ADGRF5: variants seen among roughly 807,000 people sequenced by gnomAD.
The protein encoded by ADGRF5 is adhesion G protein-coupled receptor F5.
Under a neutral mutation model 132.3 loss-of-function variants are expected in ADGRF5, and 75 were observed. The ratio of observed to expected loss-of-function variants is 0.57; its 90% CI spans 0.47 to 0.69. ADGRF5 has a LOEUF of 0.69. Among genes scored for constraint, ADGRF5 ranks in the 30% least tolerant of loss-of-function variants. ADGRF5 has a pLI of 0.00. For synonymous variants in ADGRF5, 629 were observed against 597.6 expected (o/e 1.05, Z -0.77); for missense variants, 1,516 against 1,630.6 (o/e 0.93, Z 1.21).
At chr6:46,912,523 G>A (rs1776040042) in intron 1 of ADGRF5, among the ~76,000 whole-genome samples, 1 of 152,160 alleles carries the variant, frequency 6.6e-6, no homozygotes, top group Non-Finnish European at 1.5e-5. Context: ...CAGAGGCCAG[G>A]ATGGGGAGGA....
chr6:46,859,234 T>G lies in ADGRF5; in HGVS notation c.2669A>C (p.Asn890Thr). 1 of 1,614,068 alleles carries G rather than the reference T, an allele frequency of 6.2e-7. No homozygotes were observed. The highest frequency in any genetic ancestry group is 8.5e-7 in the Non-Finnish European group (1 of 1,180,008). Reference sequence around the variant, plus strand: ...GACAATAGACGAATCCGACTGCAAGTTTTCTAGATAGCTCTTGTCAATGAC... The same window carrying G: ...GACAATAGACGAATCCGACTGCAAGGTTTCTAGATAGCTCTTGTCAATGAC... Reference protein sequence around the residue: ...NVVIDKSYLENLQSDSSIVTM... With the variant: ...NVVIDKSYLETLQSDSSIVTM... Residue 890 changes from asparagine to threonine, a missense_variant, in exon 17 of 21, where the codon AAC (asparagine) becomes ACC (threonine). By Grantham distance (65) the Asn-to-Thr change is moderately conservative. Around this residue, in one of 2 missense-constraint regions of ADGRF5, gnomAD observed 571 missense variants for 701.2 expected, o/e 0.81. Coordinates refer to ENST00000283296, the MANE Select transcript of ADGRF5 (RefSeq NM_001098518.2).
At position 46,884,209 on chromosome 6, in the gene ADGRF5, C is replaced by T; in HGVS notation, c.391G>A (p.Glu131Lys). ...CAAATGAGATTGTGAAGACACCTTT[C>T]CCGAGGCCACCCATAACCTGTCTCG... ...SCETGYGWPRERCLHNLICQE... is the reference protein window; with the variant it reads ...SCETGYGWPRKRCLHNLICQE... The change falls in exon 5 of 21, where the codon GAA (glutamate) becomes AAA (lysine). Residue 131 changes from glutamate to lysine, a missense_variant. By Grantham distance (56) the Glu-to-Lys change is moderately conservative (BLOSUM62 1). Transcript: ENST00000283296. The T allele has an allele frequency of 6.2e-7, 1 of 1,614,102 alleles. No homozygotes were observed. Among genetic ancestry groups the T allele is most frequent in the East Asian group, 2.2e-5 (1 of 44,882 alleles).
rs757376771 is a variant in ADGRF5, at chr6:46,860,879, G to T, written c.2215C>A (p.Pro739Thr). The change falls in exon 16 of 21, where the codon CCC becomes ACC. Residue 739 changes from proline to threonine, a missense_variant. Physicochemically the swap from Pro to Thr is conservative, Grantham distance 38. This residue lies in a region of ADGRF5 where 945 missense variants were observed against 929.4 expected (regional missense o/e 1.02). Transcript: ENST00000283296. ...LQMAKALIKS[P>T]SQDEMLPTYL... The stretch of plus-strand genomic sequence containing the variant: ...GTAGGGAGCATCTCATCCTGAGAGG[G>T]GCTCTTGATCAAAGCCTAGTAAAAC... The T allele has an allele frequency of 6.2e-7, 1 of 1,606,552 alleles. No homozygotes were observed.
chr6:46,947,857 A>C lies in ADGRF5; in HGVS notation c.-25+6877T>G, dbSNP rs577467824. ...GGGACCTGGACATCCACCTGCCAGC[A>C]GAGGCCAACAACCCAGTCCCTGCTC... is the stretch of plus-strand genomic sequence containing the variant. On this transcript the variant is annotated intron_variant, in intron 1 of 20. Coordinates refer to the ADGRF5 transcript ENST00000265417. 2.0e-5 allele frequency among the ~76,000 whole-genome samples: 3 copies of C among 152,332 alleles called. No individual in the cohort carries two copies. In the South Asian group the frequency reaches 6.2e-4, roughly 32 times the overall value.
At chr6:46,917,004 A>C (rs1247626902) in intron 1 of ADGRF5, among the ~76,000 whole-genome samples, 1 of 152,232 alleles carries the variant, frequency 6.6e-6, no homozygotes, top group Non-Finnish European at 1.5e-5. Context: ...TCATTATTTC[A>C]GGTCTTGCTT....
intron 11 of ADGRF5, among the ~76,000 whole-genome samples, chr6:46,871,310 T>C (rs1581777991): frequency 6.6e-6 from 1 of 152,268 alleles, no homozygotes; most frequent in African/African-American, 2.4e-5. Flanking sequence ...GACTAACAAA[T>C]CACTCGTTCC....
chr6:46,931,512 C>T (rs1191919291), intron 1 of ADGRF5, among the ~76,000 whole-genome samples: 1 of 152,144 alleles, frequency 6.6e-6, no homozygotes, highest in African/African-American at 2.4e-5. Flanking sequence ...CATAGTTGGC[C>T]ACTTCTTCCT....
intron 1 of ADGRF5, among the ~76,000 whole-genome samples, chr6:46,912,153 C>A (rs1776008176): frequency 6.6e-6 from 1 of 152,084 alleles, no homozygotes; most frequent in Non-Finnish European, 1.5e-5. Flanking sequence ...AGTGACAGAG[C>A]CAGGATTTGA....
chr6:46,901,035 G>A (rs1774713143), intron 2 of ADGRF5, among the ~76,000 whole-genome samples: 2 of 152,260 alleles, frequency 1.3e-5, no homozygotes, highest in South Asian at 4.1e-4. Flanking sequence ...ATGTAAGGCC[G>A]TGAAAGTAAT....
chr6:46,868,018 A>T lies in ADGRF5; in HGVS notation c.1621+865T>A, dbSNP rs539844672. 3.3e-5 allele frequency among the ~76,000 whole-genome samples: 5 copies of T among 152,322 alleles called. No homozygotes were observed. In the South Asian group the frequency reaches 1.0e-3, roughly 32 times the overall value. On this transcript the variant is annotated intron_variant, in intron 12 of 20. Transcript: ENST00000283296. ...AAAAATACTTCCATTTCCTGACTGTATACTACCAAGTCCAGCCCAAACAAT... is the reference window on the plus strand; with the variant it reads ...AAAAATACTTCCATTTCCTGACTGTTTACTACCAAGTCCAGCCCAAACAAT...
At chr6:46,866,873 C>T in intron 13 of ADGRF5, 52 bp downstream of exon 13, 1 of 1,129,858 alleles carries the variant, frequency 8.9e-7, no homozygotes, top group Non-Finnish European at 1.3e-6. Flanking sequence ...AATTTTTAGA[C>T]TCCACATATG....
rs112155174 is a variant in ADGRF5, at chr6:46,913,187, C to T, written c.-24-6401G>A. Among the ~76,000 whole-genome samples the T allele has an allele frequency of 1.1e-3, 171 of 152,118 alleles. 1 individual carries two copies. The highest frequency in any genetic ancestry group is 3.7e-3 in the African/African-American group (153 of 41,528). Reference sequence around the variant, plus strand: ...ACAAGGCTAGTGGAGTCAAGGAAACCGGGGAAAGTCAAGTTTTAAGAAGAA... The same window carrying T: ...ACAAGGCTAGTGGAGTCAAGGAAACTGGGGAAAGTCAAGTTTTAAGAAGAA... On this transcript the variant is annotated intron_variant, in intron 1 of 20. Coordinates refer to ENST00000283296, the MANE Select transcript of ADGRF5 (RefSeq NM_001098518.2).
chr6:46,893,629 CTGTG>C (rs992884223), intron 3 of ADGRF5, among the ~76,000 whole-genome samples: 11 of 152,284 alleles, frequency 7.2e-5, no homozygotes, highest in Non-Finnish European at 1.2e-4. Flanking sequence ...TCCTCAACTT[CTGTG>C]TGTGTGTTTT....
chr6:46,903,765 C>T (rs1300828343), intron 2 of ADGRF5, among the ~76,000 whole-genome samples: 4 of 152,186 alleles, frequency 2.6e-5, no homozygotes, highest in Admixed American at 2.6e-4. Flanking sequence ...TTATTTGTAT[C>T]AAAAGTAATT....
chr6:46,895,383 C>T (rs1384999729), intron 3 of ADGRF5, among the ~76,000 whole-genome samples: 1 of 151,682 alleles, frequency 6.6e-6, no homozygotes, highest in African/African-American at 2.4e-5. Flanking sequence ...ACTGCCGGCT[C>T]AGAGCACTCA....
upstream of ADGRF5, among the ~76,000 whole-genome samples, chr6:46,925,110 A>G (rs1236589297): frequency 6.6e-6 from 1 of 152,220 alleles, no homozygotes. Context: ...TTCAACAGCC[A>G]GTGAGACCTT....
At chr6:46,894,001 A>T (rs1307258221) in intron 3 of ADGRF5, among the ~76,000 whole-genome samples, 1 of 152,234 alleles carries the variant, frequency 6.6e-6, no homozygotes, top group Non-Finnish European at 1.5e-5. Context: ...CACTAATGGG[A>T]ACTATGGTTT....
intron 3 of ADGRF5, among the ~76,000 whole-genome samples, 182 bp downstream of exon 3, chr6:46,899,847 C>A (rs533381911): frequency 6.6e-6 from 1 of 151,952 alleles, no homozygotes; most frequent in East Asian, 1.9e-4. Flanking sequence ...TGTTATGATC[C>A]AGTTACTGTC....
In ADGRF5 at chr6:46,862,896, T is replaced by A; in HGVS notation, c.2191A>T (p.Met731Leu). 2 of 1,607,560 alleles carry A rather than the reference T, an allele frequency of 1.2e-6. No individual in the cohort carries two copies. Among genetic ancestry groups the A allele is most frequent in the South Asian group, 2.2e-5 (2 of 90,798 alleles). ...ISAPINSLLQ[M>L]AKALIKSPSQ... ...GAAGCTTTAAGGATCACCTTAGCCA[T>A]CTGGAGCAGACTGTTTATTGGGGCA... The change falls in exon 15 of 21, where the codon ATG becomes TTG. Residue 731 changes from methionine (M) to leucine (L), a missense_variant. Met to Leu is a conservative substitution (Grantham distance 15). Around this residue, in one of 2 missense-constraint regions of ADGRF5, gnomAD observed 945 missense variants for 929.4 expected, o/e 1.02. Coordinates refer to ENST00000283296, the MANE Select transcript of ADGRF5 (RefSeq NM_001098518.2).
Sources: gnomAD v4.1 joint callset for allele counts (sites outside exome capture counted in the v4.1 genomes callset) on GRCh38, gnomAD v4.1.1 for gene constraint, gnomAD v4.1.1 regional missense constraint, MANE v1.5 for transcripts, NCBI Gene and HGNC (gene_info 2026-07-23, HGNC 2026-07-21) for gene names.